The following PIEZO2 variants were observed in gnomAD, a reference collection of about 807,000 sequenced individuals.
PIEZO2 encodes the protein piezo type mechanosensitive ion channel component 2, also known as piezo-type mechanosensitive ion channel component 2.
PIEZO2 carries 172 observed loss-of-function variants against 337.3 expected under a neutral mutation model. That is an observed-to-expected ratio of 0.51 (90% CI 0.45 to 0.58). The LOEUF is 0.58. Ranked by LOEUF, PIEZO2 falls within the 20% of genes least tolerant of loss-of-function variation. The pLI is 0.00. For missense variants in PIEZO2, 3,028 were observed against 3,391.3 expected, an observed-to-expected ratio of 0.89 and a Z score of 2.66; for synonymous variants, 1,251 against 1,228.5, an observed-to-expected ratio of 1.02 and a Z score of -0.38.
At chr18:10,751,811 G>C (rs1236551133) in intron 28 of PIEZO2, among the ~76,000 whole-genome samples, 6 of 152,214 alleles carry the variant, frequency 3.9e-5, no homozygotes, top group African/African-American at 1.2e-4. Context: ...GCTCAGGAGA[G>C]GTTGTTGCTT....
At chr18:10,708,910 CT>C (rs1158108245) in intron 39 of PIEZO2, among the ~76,000 whole-genome samples, 1 of 151,616 alleles carries the variant, frequency 6.6e-6, no homozygotes, top group East Asian at 1.9e-4. Flanking sequence ...TCTTTTTTTT[CT>C]TTTTAACACG....
chr18:10,862,340 T>C lies in PIEZO2; in HGVS notation c.493-5129A>G, dbSNP rs1379595205. On this transcript the variant is annotated intron_variant, in intron 5 of 55. Transcript: ENST00000674853. This position sits in a 1 kb window ranked among gnomAD's most constrained non-coding sequence, Gnocchi z 4.4. ...TTTCACATAAGGAAACTTTAGGTGC[T>C]ATGGAATCAACTTTACACAAGGCCA... Among the ~76,000 whole-genome samples the C allele has an allele frequency of 6.6e-6, 1 of 152,212 alleles. No homozygotes were observed. The highest frequency in any genetic ancestry group is 1.5e-5 in the Non-Finnish European group (1 of 68,040).
intron 3 of PIEZO2, among the ~76,000 whole-genome samples, chr18:10,947,182 AT>A: frequency 6.6e-6 from 1 of 152,176 alleles, no homozygotes. Flanking sequence ...AAAGCAGAAA[AT>A]AAACTAAAAT....
chr18:10,814,699 G>A (rs1490428936), intron 7 of PIEZO2, among the ~76,000 whole-genome samples: 1 of 152,156 alleles, frequency 6.6e-6, no homozygotes, highest in Non-Finnish European at 1.5e-5. Flanking sequence ...GAAAGGGTTT[G>A]GTGACAGACT....
At chr18:10,909,253 A>C (rs925330735) in intron 4 of PIEZO2, among the ~76,000 whole-genome samples, 3 of 152,232 alleles carry the variant, frequency 2.0e-5, no homozygotes, top group Non-Finnish European at 4.4e-5. Flanking sequence ...GCAAACAGAC[A>C]AATTCAGAAA....
chr18:11,057,717 C>T (rs186548736), intron 2 of PIEZO2, among the ~76,000 whole-genome samples: 2 of 152,306 alleles, frequency 1.3e-5, no homozygotes, highest in African/African-American at 4.8e-5. Flanking sequence ...TGCTGCAATA[C>T]ACTTGATAAC....
intron 40 of PIEZO2, among the ~76,000 whole-genome samples, chr18:10,706,049 C>T (rs1173933249): frequency 2.0e-5 from 3 of 152,128 alleles, no homozygotes; most frequent in Admixed American, 6.5e-5. Context: ...TTCACAGCCT[C>T]GGGTTCCAGA....
chr18:11,095,700 AT>A (rs1209181219), intron 1 of PIEZO2, among the ~76,000 whole-genome samples: 3 of 152,232 alleles, frequency 2.0e-5, no homozygotes, highest in East Asian at 3.9e-4. Flanking sequence ...ATAAAAGTTA[AT>A]AACCTCAACA....
intron 47 of PIEZO2, among the ~76,000 whole-genome samples, chr18:10,691,915 T>C (rs2034865736): frequency 6.6e-6 from 1 of 151,514 alleles, no homozygotes; most frequent in Non-Finnish European, 1.5e-5. Context: ...TAACAAACTC[T>C]GGAAACACCT....
chr18:11,059,422 C>A (rs934056650), intron 2 of PIEZO2, among the ~76,000 whole-genome samples: 1 of 152,076 alleles, frequency 6.6e-6, no homozygotes, highest in Non-Finnish European at 1.5e-5. Context: ...ACCTTAAATG[C>A]AAATGGGCTA....
intron 2 of PIEZO2, among the ~76,000 whole-genome samples, chr18:11,023,212 T>G (rs1451179015): frequency 6.6e-6 from 1 of 152,154 alleles, no homozygotes; most frequent in Non-Finnish European, 1.5e-5. Context: ...GGCAGCCTGC[T>G]TTTATTCTCT....
At chr18:10,718,444 A>G (rs2036104350) in intron 36 of PIEZO2, among the ~76,000 whole-genome samples, 185 bp from the exon 37 acceptor site, 1 of 152,226 alleles carries the variant, frequency 6.6e-6, no homozygotes, top group Non-Finnish European at 1.5e-5. Flanking sequence ...CCAGCATAAA[A>G]ATTATGTAAA....
chr18:10,736,472 G>T, intron 34 of PIEZO2, 132 bp downstream of exon 34: 1 of 1,245,972 alleles, frequency 8.0e-7, no homozygotes, highest in Non-Finnish European at 1.1e-6. Flanking sequence ...ATAAAGAATT[G>T]CAGATGTAAA....
At chr18:10,715,919 G>C in intron 37 of PIEZO2, 103 bp from the exon 38 acceptor site, 2 of 922,642 alleles carry the variant, frequency 2.2e-6, no homozygotes, top group Non-Finnish European at 3.2e-6. Flanking sequence ...CTGGCTCTTG[G>C]CCCGTGCATC....
At chr18:10,733,519 C>T (rs1160770829) in intron 35 of PIEZO2, among the ~76,000 whole-genome samples, 1 of 150,038 alleles carries the variant, frequency 6.7e-6, no homozygotes, top group African/African-American at 2.5e-5. Context: ...GCGCCATCTC[C>T]GCTCACTGCA....
rs1022784446 is a variant in PIEZO2, at chr18:11,002,857, C to G, written c.161-23197G>C. On this transcript the variant is annotated intron_variant, in intron 2 of 55. Coordinates refer to ENST00000674853, the MANE Select transcript of PIEZO2 (RefSeq NM_001378183.1). The surrounding 1 kb of genome is among the most constrained non-coding windows in gnomAD (Gnocchi z 4.3). ...GGCTTTTCTCACACATTTTCATGGT[C>G]CTCCATGGGCAGGTTCAGCAGAGAA... is the stretch of plus-strand genomic sequence containing the variant. Among the ~76,000 whole-genome samples, 2 of 152,192 alleles carry G rather than the reference C, an allele frequency of 1.3e-5. No individual in the cohort carries two copies. The highest frequency in any genetic ancestry group is 4.8e-5 in the African/African-American group (2 of 41,438).
chr18:10,713,840 G>C lies in PIEZO2; in HGVS notation c.5423+924C>G, dbSNP rs2035910542. On this transcript the variant is annotated intron_variant, in intron 39 of 55. Coordinates refer to ENST00000674853, the MANE Select transcript of PIEZO2 (RefSeq NM_001378183.1). The surrounding 1 kb of genome is among the most constrained non-coding windows in gnomAD (Gnocchi z 4.5). ...TTGGTCTAGCGCTTCACCCTAACAA[G>C]GCGATTTTTCCTCCTAAGACAGGGA... is the stretch of plus-strand genomic sequence containing the variant. Among the ~76,000 whole-genome samples the C allele has an allele frequency of 6.6e-6, 1 of 152,158 alleles. No homozygotes were observed. Among genetic ancestry groups the C allele is most frequent in the Non-Finnish European group, 1.5e-5 (1 of 68,028 alleles).
chr18:11,071,655 C>A (rs765288861), intron 1 of PIEZO2, among the ~76,000 whole-genome samples: 2 of 152,122 alleles, frequency 1.3e-5, no homozygotes, highest in Admixed American at 6.5e-5. Context: ...GAGGTTGAAG[C>A]CCAGAGGTGA....
chr18:10,731,065 A>G (rs1029310731), intron 36 of PIEZO2, among the ~76,000 whole-genome samples: 5 of 151,528 alleles, frequency 3.3e-5, no homozygotes, highest in Non-Finnish European at 7.4e-5. Flanking sequence ...TGATCAGGTC[A>G]TGTCCTGTAG....
Sources: allele counts gnomAD v4.1 joint callset (sites outside exome capture counted in the v4.1 genomes callset), GRCh38; gene constraint gnomAD v4.1.1; non-coding constraint Gnocchi (gnomAD v3.1); transcripts MANE v1.5; gene names NCBI Gene and HGNC (gene_info 2026-07-23, HGNC 2026-07-21).